Variants in DNAH17 observed in about 807,000 individuals in gnomAD.
DNAH17 encodes dynein axonemal heavy chain 17.
A neutral mutation model predicts 485.6 loss-of-function variants in DNAH17; 376 were observed. That is an observed-to-expected ratio of 0.77 (90% CI 0.71 to 0.84). The LOEUF is 0.84. Among genes scored for constraint, DNAH17 ranks in the 40% least tolerant of loss-of-function variants. DNAH17 has a pLI of 0.00. For synonymous variants in DNAH17, 3,031 were observed against 2,405.9 expected (o/e 1.26, Z -7.60); for missense variants, 6,370 against 5,839.3 (o/e 1.09, Z -2.96).
chr17:78,557,081 CGTCAGG>C (rs1568250380), intron 14 of DNAH17, among the ~76,000 whole-genome samples: 6 of 152,208 alleles, frequency 3.9e-5, no homozygotes, highest in African/African-American at 1.4e-4. Flanking sequence ...TTGATTACTG[CGTCAGG>C]TCCCTAGATC....
Position 78,466,678 on chromosome 17 carries a change from G to A in DNAH17, c.8917C>T (p.Leu2973=), listed in dbSNP as rs1323633366. Residue 2973 remains leucine, a synonymous_variant, in exon 56 of 81, where the codon CTG becomes TTG. Coordinates refer to ENST00000389840, the MANE Select transcript of DNAH17 (RefSeq NM_173628.4). ...DALVSVSARF[L]EETEGIPWEV... ...ACCGGAATCCCCTCAGTCTCCTCCAGGAAGCGGGCGCTGACGGACACCAGC... is the reference window on the plus strand; with the variant it reads ...ACCGGAATCCCCTCAGTCTCCTCCAAGAAGCGGGCGCTGACGGACACCAGC... 2.5e-6 allele frequency: 4 copies of A among 1,611,548 alleles called. No homozygotes were observed. The East Asian group carries it at 6.7e-5, about 27-fold the overall frequency.
Position 78,431,232 on chromosome 17 carries a change from C to T in DNAH17, c.12226-1932G>A, listed in dbSNP as rs549818176. ...TTAATGTTTTCCACATTATCATTAG[C>T]GACTTACAACCTTCTCTGTCTGGTC... On this transcript the variant is annotated intron_variant, in intron 75 of 80. Coordinates refer to ENST00000389840, the MANE Select transcript of DNAH17 (RefSeq NM_173628.4). 2.5e-4 allele frequency among the ~76,000 whole-genome samples: 38 copies of T among 152,298 alleles called. 1 individual carries two copies. Among genetic ancestry groups the T allele is most frequent in the African/African-American group, 8.4e-4 (35 of 41,556 alleles).
Position 78,438,695 on chromosome 17 carries a change from C to T in DNAH17, c.11805+395G>A, listed in dbSNP as rs540044222. 3.3e-5 allele frequency among the ~76,000 whole-genome samples: 5 copies of T among 151,782 alleles called. No individual in the cohort carries two copies. In the South Asian group the frequency reaches 8.3e-4, roughly 25 times the overall value. On this transcript the variant is annotated intron_variant, in intron 73 of 80. Transcript: ENST00000389840. The stretch of plus-strand genomic sequence containing the variant: ...TGTATTTTTAGTAGAGACAGGGTTT[C>T]GCCATGTTGGTCAGGCTGGTCTCGA...
At chr17:78,530,077 T>C (rs1388663953) in intron 21 of DNAH17, among the ~76,000 whole-genome samples, 1 of 152,228 alleles carries the variant, frequency 6.6e-6, no homozygotes, top group African/African-American at 2.4e-5. Flanking sequence ...CAGCCTTCCC[T>C]GACAGACTTC....
At chr17:78,548,586 A>C (rs374002801) in intron 16 of DNAH17, among the ~76,000 whole-genome samples, 5 of 152,328 alleles carry the variant, frequency 3.3e-5, no homozygotes, top group African/African-American at 7.2e-5. Context: ...TGAGATATCT[A>C]AACGACTTGT....
At position 78,570,310 on chromosome 17, in the gene DNAH17, G is replaced by A. The variant is rs777209910; in HGVS notation, c.981C>T (p.Tyr327=). The change falls in exon 7 of 81, where the codon TAC becomes TAT. Residue 327 remains tyrosine, a synonymous_variant. Coordinates refer to ENST00000389840, the MANE Select transcript of DNAH17 (RefSeq NM_173628.4). ...TICFIWATSE[Y]YNTPARIIVI... ...CGATGATCCTGGCAGGTGTGTTATA[G>A]TACTCAGAGGTGGCCCAGATGAAGC... is the stretch of plus-strand genomic sequence containing the variant. 10 of 1,604,730 alleles carry A rather than the reference G, an allele frequency of 6.2e-6. No homozygotes were observed. Among genetic ancestry groups the A allele is most frequent in the African/African-American group, 2.7e-5 (2 of 74,800 alleles).
chr17:78,467,854 C>T (rs967157768), intron 55 of DNAH17, among the ~76,000 whole-genome samples: 1 of 152,034 alleles, frequency 6.6e-6, no homozygotes, highest in Non-Finnish European at 1.5e-5. Flanking sequence ...GCTGTCTCTA[C>T]TAAAAATAAA....
At chr17:78,452,096 C>CCT (rs1405220806) in intron 65 of DNAH17, among the ~76,000 whole-genome samples, 4 of 151,858 alleles carry the variant, frequency 2.6e-5, no homozygotes, top group Admixed American at 2.0e-4. Context: ...CCTGCTGTCC[C>CCT]CTCTTTGTAG....
intron 20 of DNAH17, among the ~76,000 whole-genome samples, chr17:78,530,713 C>A (rs1359590095): frequency 6.6e-6 from 1 of 152,190 alleles, no homozygotes; most frequent in Non-Finnish European, 1.5e-5. Context: ...GCCCCAGAGT[C>A]TAGCCCCAGA....
chr17:78,494,400 G>A (rs1269631932), intron 40 of DNAH17, among the ~76,000 whole-genome samples, 193 bp downstream of exon 40: 1 of 151,880 alleles, frequency 6.6e-6, no homozygotes, highest in Non-Finnish European at 1.5e-5. Context: ...CCTCAGTTGA[G>A]AGAGTGACCT....
In DNAH17 at chr17:78,427,259, G is replaced by A. The variant is rs1433818991; in HGVS notation, c.12589-151C>T. ...AGTTGCCAGAAATGCAGGGTCATGGGTGCAGCCACACATTTGATGAGGAGA... is the reference window on the plus strand; with the variant it reads ...AGTTGCCAGAAATGCAGGGTCATGGATGCAGCCACACATTTGATGAGGAGA... On this transcript the variant is annotated intron_variant, in intron 77 of 80. Transcript: ENST00000389840. The A allele has an allele frequency of 9.9e-6, 7 of 709,688 alleles. No individual in the cohort carries two copies. In the South Asian group the frequency reaches 1.3e-4, roughly 13 times the overall value. 44.0% of individuals were successfully genotyped at this position (709,688 alleles called of 1,614,324 possible). A position where few individuals can be genotyped will look rare whatever the true frequency, so the allele number is the denominator to read the frequency against.
chr17:78,520,589 C>A (rs1207049800), intron 25 of DNAH17, among the ~76,000 whole-genome samples: 1 of 152,066 alleles, frequency 6.6e-6, no homozygotes, highest in Non-Finnish European at 1.5e-5. Flanking sequence ...CATGTGCAAA[C>A]CAAAATTTAA....
intron 17 of DNAH17, among the ~76,000 whole-genome samples, chr17:78,540,688 G>A (rs1246415104): frequency 1.1e-4 from 6 of 54,946 alleles, no homozygotes; most frequent in South Asian, 6.5e-4. Flanking sequence ...ACAGATGGAT[G>A]GGTGGATGGG....
In DNAH17 at chr17:78,567,223, GT is replaced by G. The variant is rs1188407850; in HGVS notation, c.1285-58del. The G allele has an allele frequency of 1.2e-5, 18 of 1,541,926 alleles. 1 individual carries two copies. In the African/African-American group the frequency reaches 2.5e-4, roughly 21 times the overall value. ...CTTCACAACCCAACTCACGGGTCCA[GT>G]TACAAAACTAGCTCTGACCCCAGGC... On this transcript the variant is annotated intron_variant, in intron 9 of 80. Transcript: ENST00000389840.
intron 64 of DNAH17, among the ~76,000 whole-genome samples, chr17:78,453,999 C>T (rs1396790940): frequency 1.3e-5 from 2 of 152,176 alleles, no homozygotes; most frequent in Non-Finnish European, 2.9e-5. Context: ...CGAGCCACCA[C>T]ACCCGGGCTG....
chr17:78,477,505 T>G (rs1302181986), intron 51 of DNAH17, among the ~76,000 whole-genome samples: 3 of 152,038 alleles, frequency 2.0e-5, no homozygotes. Flanking sequence ...GCCTCCCGAG[T>G]AGCTGGGACT....
intron 56 of DNAH17, among the ~76,000 whole-genome samples, chr17:78,465,943 A>C (rs1204235504): frequency 2.6e-5 from 4 of 152,266 alleles, no homozygotes; most frequent in Admixed American, 1.3e-4. Context: ...CCAGCAGCTC[A>C]TTGAGAGCGG....
chr17:78,431,841 C>T (rs692329), intron 75 of DNAH17, among the ~76,000 whole-genome samples: 24,794 of 151,900 alleles, frequency 0.16, 2,135 homozygotes, highest in Middle Eastern at 0.2. Flanking sequence ...AGCTGCCCAG[C>T]GTGTGTCAAT....
At chr17:78,468,912 C>A in intron 54 of DNAH17, 29 bp from the exon 55 acceptor site, 1 of 1,592,456 alleles carries the variant, frequency 6.3e-7, no homozygotes, top group Non-Finnish European at 8.5e-7. Flanking sequence ...CGCTTAGGGG[C>A]CTTGGTAAAA....
Sources: gnomAD v4.1 joint callset for allele counts (sites outside exome capture counted in the v4.1 genomes callset) on GRCh38, gnomAD v4.1.1 for gene constraint, MANE v1.5 for transcripts, NCBI Gene and HGNC (gene_info 2026-07-23, HGNC 2026-07-21) for gene names.